The following EEA1 variants were observed in gnomAD, a reference collection of about 807,000 sequenced individuals.
The protein encoded by EEA1 is early endosome antigen 1, 162kD.
EEA1 carries 111 observed loss-of-function variants against 209.2 expected under a neutral mutation model. That is an observed-to-expected ratio of 0.53 (90% CI 0.45 to 0.62). The LOEUF is 0.62. EEA1 is among the 20% of genes least tolerant of loss of function. The pLI is 0.00. For synonymous variants in EEA1, 536 were observed against 540.6 expected, an observed-to-expected ratio of 0.99 and a Z score of 0.12; for missense variants, 1,343 against 1,530.8, an observed-to-expected ratio of 0.88 and a Z score of 2.05.
intron 10 of EEA1, among the ~76,000 whole-genome samples, chr12:92,837,682 T>C (rs1425438242): frequency 6.6e-6 from 1 of 152,262 alleles, no homozygotes; most frequent in Non-Finnish European, 1.5e-5. Flanking sequence ...TTTTCCATTA[T>C]GTTTTTAAGT....
chr12:92,905,366 G>C (rs974215582), intron 1 of EEA1: 4 of 152,086 alleles, frequency 2.6e-5, no homozygotes, highest in African/African-American at 9.7e-5. Flanking sequence ...GGGAGGCCAA[G>C]GCGTGCGGAT....
chr12:92,819,910 T>C (rs574992002), intron 13 of EEA1, among the ~76,000 whole-genome samples: 3 of 152,296 alleles, frequency 2.0e-5, no homozygotes, highest in Admixed American at 6.5e-5. Flanking sequence ...TCATATAGTT[T>C]ACTCCCCGTT....
In EEA1 at chr12:92,839,868, C is replaced by T. The variant is rs562909460; in HGVS notation, c.915+2597G>A. Among the ~76,000 whole-genome samples the T allele has an allele frequency of 4.6e-5, 7 of 152,238 alleles. No homozygotes were observed. The East Asian group carries it at 9.7e-4, about 21-fold the overall frequency. On this transcript the variant is annotated intron_variant, in intron 10 of 28. Coordinates refer to ENST00000322349, the MANE Select transcript of EEA1 (RefSeq NM_003566.4). Reference sequence around the variant, plus strand: ...TTCATGGCAGCAAATTACCCTGAAACTTCATGGCAGCAGCCTAAAACAATA... The same window carrying T: ...TTCATGGCAGCAAATTACCCTGAAATTTCATGGCAGCAGCCTAAAACAATA...
At chr12:92,788,419 G>C (rs1046787805) in intron 21 of EEA1, among the ~76,000 whole-genome samples, 11 of 151,978 alleles carry the variant, frequency 7.2e-5, no homozygotes, top group Non-Finnish European at 1.3e-4. Flanking sequence ...GTACATGAAA[G>C]AAAGTAAGAA....
intron 21 of EEA1, among the ~76,000 whole-genome samples, chr12:92,792,927 A>G (rs182017368): frequency 2.4e-4 from 37 of 152,344 alleles, no homozygotes; most frequent in East Asian, 1.5e-3. Context: ...CAAAAAGCTT[A>G]TCCACCACAA....
At chr12:92,832,381 A>T (rs2075398077) in intron 11 of EEA1, 131 bp downstream of exon 11, 1 of 881,052 alleles carries the variant, frequency 1.1e-6, no homozygotes, top group South Asian at 1.9e-5. Context: ...ACAGGATATA[A>T]AAGTTAAGAG....
At chr12:92,903,906 C>T (rs1303829374) in intron 1 of EEA1, among the ~76,000 whole-genome samples, 1 of 151,922 alleles carries the variant, frequency 6.6e-6, no homozygotes, top group Non-Finnish European at 1.5e-5. Flanking sequence ...ATTAACCACC[C>T]ACCTACTTCC....
chr12:92,922,871 T>C (rs1040404472), intron 1 of EEA1, among the ~76,000 whole-genome samples: 3 of 151,456 alleles, frequency 2.0e-5, no homozygotes, highest in Non-Finnish European at 4.4e-5. Flanking sequence ...GGCAGGAGAA[T>C]TGCTTGAACC....
intron 21 of EEA1, among the ~76,000 whole-genome samples, chr12:92,796,879 A>G (rs1874676887): frequency 6.6e-6 from 1 of 152,178 alleles, no homozygotes; most frequent in South Asian, 2.1e-4. Context: ...CAACAACTCT[A>G]TGACTCCATT....
intron 9 of EEA1, among the ~76,000 whole-genome samples, chr12:92,843,590 A>G (rs568669894): frequency 1.3e-5 from 2 of 152,332 alleles, no homozygotes; most frequent in South Asian, 4.1e-4. Context: ...AAGCTGAACC[A>G]TTACAGAGAA....
chr12:92,828,092 A>AT (rs769365515), intron 11 of EEA1, 31 bp from the exon 12 acceptor site: 84 of 1,510,648 alleles, frequency 5.6e-5, no homozygotes, highest in Non-Finnish European at 6.8e-5. Flanking sequence ...ATGTATGTAC[A>AT]TATGTACAAA....
intron 2 of EEA1, among the ~76,000 whole-genome samples, chr12:92,874,531 A>G (rs559981555): frequency 1.3e-4 from 19 of 151,780 alleles, no homozygotes; most frequent in Non-Finnish European, 2.1e-4. Context: ...AGGCCTGGCT[A>G]ATTTTTGTAT....
chr12:92,888,306 C>T (rs1035456403), intron 2 of EEA1, among the ~76,000 whole-genome samples: 11 of 152,098 alleles, frequency 7.2e-5, no homozygotes, highest in Non-Finnish European at 1.3e-4. Flanking sequence ...ATAGGCCGGG[C>T]GCAGTGGCTT....
intron 2 of EEA1, among the ~76,000 whole-genome samples, chr12:92,889,455 A>T (rs1411111755): frequency 1.3e-5 from 2 of 151,872 alleles, no homozygotes; most frequent in Non-Finnish European, 2.9e-5. Flanking sequence ...ATAAAAATAA[A>T]TCAAAATATA....
At chr12:92,807,785 G>C (rs1420394825) in intron 18 of EEA1, among the ~76,000 whole-genome samples, 1 of 151,978 alleles carries the variant, frequency 6.6e-6, no homozygotes, top group South Asian at 2.1e-4. Context: ...GGCCCAAGTA[G>C]ATAAAGAGAC....
rs573537668 is a variant in EEA1 at position 92,898,058 on chromosome 12, ATATGCCTATATACAAG to A, written c.25-6353_25-6338del. Among the ~76,000 whole-genome samples, 323 of 152,270 alleles carry A rather than the reference ATATGCCTATATACAAG, an allele frequency of 2.1e-3. 1 individual carries two copies. Among genetic ancestry groups the A allele is most frequent in the African/African-American group, 7.5e-3 (313 of 41,544 alleles). On this transcript the variant is annotated intron_variant, in intron 1 of 28. Coordinates refer to ENST00000322349, the MANE Select transcript of EEA1 (RefSeq NM_003566.4). ...GAACCAAGCCCGCAATATCTCCAAG[ATATGCCTATATACAAG>A]TATGCCTATATACTTGTATAATTTT...
In EEA1 at chr12:92,806,645, T is replaced by C. The variant is rs115219163; in HGVS notation, c.2339+2372A>G. Reference sequence around the variant, plus strand: ...TTCCTTTTTAAGGCCAGTATAACTCTGATATCAAAACCTGACAATGATATT... The same window carrying C: ...TTCCTTTTTAAGGCCAGTATAACTCCGATATCAAAACCTGACAATGATATT... On this transcript the variant is annotated intron_variant, in intron 18 of 28. Coordinates refer to ENST00000322349, the MANE Select transcript of EEA1 (RefSeq NM_003566.4). Among the ~76,000 whole-genome samples the C allele has an allele frequency of 7.4e-3, 1,134 of 152,348 alleles. 14 individuals are homozygous for C. The highest frequency in any genetic ancestry group is 0.025 in the African/African-American group (1,042 of 41,576).
At chr12:92,821,102 A>G (rs1324859161) in intron 13 of EEA1, 2 of 152,088 alleles carry the variant, frequency 1.3e-5, no homozygotes, top group African/African-American at 4.8e-5. Context: ...CTCAATCCCA[A>G]TTTCTGCCAA....
At chr12:92,884,604 C>G in intron 2 of EEA1, 1 of 1,427,098 alleles carries the variant, frequency 7.0e-7, no homozygotes. Flanking sequence ...AGCCCTGGCC[C>G]CTATGGTGGT....
Sources: allele counts gnomAD v4.1 joint callset (sites outside exome capture counted in the v4.1 genomes callset), GRCh38; gene constraint gnomAD v4.1.1; transcripts MANE v1.5; gene names NCBI Gene and HGNC (gene_info 2026-07-23, HGNC 2026-07-21).